Variants in RGS12 observed in about 807,000 individuals in gnomAD.
RGS12 encodes the protein regulator of G-protein signaling 12.
A neutral mutation model predicts 120.1 loss-of-function variants in RGS12; 66 were observed. The observed-to-expected ratio is 0.55, with a 90% confidence interval of 0.45 to 0.67. The LOEUF (loss-of-function observed/expected upper bound fraction) is 0.67, where lower values mean the gene tolerates loss of function less well. Among genes scored for constraint, RGS12 ranks in the 30% least tolerant of loss-of-function variants. The probability of loss-of-function intolerance (pLI) is 0.00; values close to 1 mark genes in which losing one functional copy is unlikely to be tolerated. For missense variants in RGS12, 1,859 were observed against 1,957.7 expected (o/e 0.95, Z 0.95); for synonymous variants, 827 against 804.7 (o/e 1.03, Z -0.47).
intron 2 of RGS12, among the ~76,000 whole-genome samples, chr4:3,318,506 C>T (rs1724960304): frequency 1.3e-5 from 2 of 152,208 alleles, no homozygotes; most frequent in Non-Finnish European, 1.5e-5. Context: ...GCTGGTTCCT[C>T]GTGCTGTTTC....
chr4:3,431,777 T>G, intron 17 of RGS12: 1 of 985,708 alleles, frequency 1.0e-6, no homozygotes, highest in South Asian at 4.7e-5. Flanking sequence ...TGGACACCTC[T>G]GCTGTGGTTT....
At chr4:3,362,506 G>A (rs1459169581) in intron 3 of RGS12, among the ~76,000 whole-genome samples, 4 of 145,302 alleles carry the variant, frequency 2.8e-5, no homozygotes, top group Non-Finnish European at 6.1e-5. Flanking sequence ...GTGAGGGTGC[G>A]AGGATCAGTG....
chr4:3,432,797 C>T (rs1365156107), intron 17 of RGS12, among the ~76,000 whole-genome samples: 1 of 152,220 alleles, frequency 6.6e-6, no homozygotes, highest in Non-Finnish European at 1.5e-5. Flanking sequence ...GGATCCTTGG[C>T]TCTTGGGCTG....
intron 11 of RGS12, 60 bp from the exon 12 acceptor site, chr4:3,422,845 G>T (rs925067113): frequency 1.4e-6 from 2 of 1,450,752 alleles, no homozygotes; most frequent in East Asian, 2.3e-5. Flanking sequence ...GGGCACGTGG[G>T]TCTGCGTTTG....
At chr4:3,383,672 A>G (rs1718505780) in intron 3 of RGS12, among the ~76,000 whole-genome samples, 2 of 152,098 alleles carry the variant, frequency 1.3e-5, no homozygotes, top group African/African-American at 4.8e-5. Flanking sequence ...AAGCTGTTTG[A>G]AAAGGTAAAG....
rs149278750 is a variant in RGS12 at position 3,369,789 on chromosome 4, A to G, written c.1999-16627A>G. The G allele has an allele frequency of 8.1e-3, 1,264 of 155,210 alleles. 8 individuals carry two copies. Among genetic ancestry groups the G allele is most frequent in the Middle Eastern group, 0.016 (5 of 304 alleles). The allele number at this position is 155,210 out of a possible 1,614,324, so 9.6% of individuals were successfully genotyped here. A position where few individuals can be genotyped will look rare whatever the true frequency, so the allele number is the denominator to read the frequency against. ...TATATTTGGAGGGTGGGCAGAGCAGATCACGGAATACAGATAGCACTGAGA... is the reference window on the plus strand; with the variant it reads ...TATATTTGGAGGGTGGGCAGAGCAGGTCACGGAATACAGATAGCACTGAGA... On this transcript the variant is annotated intron_variant, in intron 3 of 17. Transcript: ENST00000336727.
chr4:3,339,537 G>A (rs1291023305), intron 2 of RGS12, among the ~76,000 whole-genome samples: 1 of 152,170 alleles, frequency 6.6e-6, no homozygotes, highest in East Asian at 1.9e-4. Context: ...ACAGAGAGAG[G>A]CTCTCTGAAA....
At chr4:3,412,616 G>T (rs1203746654) in intron 4 of RGS12, among the ~76,000 whole-genome samples, 3 of 152,394 alleles carry the variant, frequency 2.0e-5, no homozygotes, top group Admixed American at 2.0e-4. Context: ...CTGGTGAAGG[G>T]GCAGGAGGGG....
intron 4 of RGS12, among the ~76,000 whole-genome samples, chr4:3,387,553 G>T (rs149661776): frequency 2.0e-4 from 30 of 152,326 alleles, no homozygotes; most frequent in Middle Eastern, 3.4e-3. Context: ...GAGGGATCCC[G>T]ACACTCGTGT....
rs150422021 is a variant in RGS12 at position 3,367,187 on chromosome 4, C to T, written c.1999-19229C>T. Among the ~76,000 whole-genome samples the T allele has an allele frequency of 5.4e-3, 827 of 152,358 alleles. 8 individuals carry two copies. Among genetic ancestry groups the T allele is most frequent in the African/African-American group, 0.019 (791 of 41,576 alleles). ...GCGGTGATATGCAGGCCTGAGTCCC[C>T]GCTGCACCACAGCTGCCTCCAGGCT... is the stretch of plus-strand genomic sequence containing the variant. On this transcript the variant is annotated intron_variant, in intron 3 of 17. Coordinates refer to ENST00000336727, the MANE Select transcript of RGS12 (RefSeq NM_001394154.1).
chr4:3,391,737 G>A lies in RGS12; in HGVS notation c.2020+5300G>A, dbSNP rs188762382. Among the ~76,000 whole-genome samples, 543 of 142,986 alleles carry A rather than the reference G, an allele frequency of 3.8e-3. 3 individuals are homozygous for A. The highest frequency in any genetic ancestry group is 0.015 in the African/African-American group (512 of 33,062). 93.8% of individuals were successfully genotyped at this position (142,986 alleles called of 152,430 possible). The stretch of plus-strand genomic sequence containing the variant: ...GCTGCCTGGCGTGTTTGGGGGCCTC[G>A]TCAGAGAGGGCTGCCTGGGGTGTTT... On this transcript the variant is annotated intron_variant, in intron 4 of 17. Coordinates refer to ENST00000336727, the MANE Select transcript of RGS12 (RefSeq NM_001394154.1).
intron 2 of RGS12, among the ~76,000 whole-genome samples, chr4:3,332,201 T>C (rs906714323): frequency 2.6e-5 from 4 of 152,172 alleles, no homozygotes; most frequent in Non-Finnish European, 5.9e-5. Context: ...AAAGTGAGAC[T>C]GTTCAGGGCA....
intron 1 of RGS12, among the ~76,000 whole-genome samples, chr4:3,298,738 A>G (rs1306493556): frequency 6.6e-6 from 1 of 152,196 alleles, no homozygotes; most frequent in Non-Finnish European, 1.5e-5. Context: ...CTTCTTGGAT[A>G]TGTAATTTTT....
At chr4:3,323,875 GA>G (rs1171491533) in intron 2 of RGS12, 1 of 4,528 alleles carries the variant, frequency 2.2e-4, no homozygotes, top group Admixed American at 3.0e-3. Flanking sequence ...GTGTGTGTGA[GA>G]GAGAGAGAGA....
chr4:3,384,258 G>T (rs1718579261), intron 3 of RGS12, among the ~76,000 whole-genome samples: 1 of 152,094 alleles, frequency 6.6e-6, no homozygotes, highest in Non-Finnish European at 1.5e-5. Flanking sequence ...GGGTTCAAGC[G>T]ATTCTCCTGC....
rs977023155 is a variant in RGS12 at position 3,374,119 on chromosome 4, C to T, written c.1999-12297C>T. Among the ~76,000 whole-genome samples, 8 of 152,230 alleles carry T rather than the reference C, an allele frequency of 5.3e-5. No individual in the cohort carries two copies. The highest frequency in any genetic ancestry group is 3.9e-4 in the East Asian group (2 of 5,188). On this transcript the variant is annotated intron_variant, in intron 3 of 17. Coordinates refer to ENST00000336727, the MANE Select transcript of RGS12 (RefSeq NM_001394154.1). This position sits in a 1 kb window ranked among gnomAD's most constrained non-coding sequence, Gnocchi z 6.3. Reference sequence around the variant, plus strand: ...ACCATGTCCCACGCGGCTCTGTGAACGCAGGCATCCCTGTCTCCGTTGGGC... The same window carrying T: ...ACCATGTCCCACGCGGCTCTGTGAATGCAGGCATCCCTGTCTCCGTTGGGC...
intron 4 of RGS12, among the ~76,000 whole-genome samples, chr4:3,391,587 A>G (rs1358020823): frequency 1.3e-5 from 2 of 152,190 alleles, no homozygotes; most frequent in Non-Finnish European, 2.9e-5. Context: ...TTCCCACTCC[A>G]AGGGAGTTTC....
At chr4:3,368,471 G>T (rs1472827957) in intron 3 of RGS12, among the ~76,000 whole-genome samples, 1 of 123,452 alleles carries the variant, frequency 8.1e-6, no homozygotes, top group Non-Finnish European at 1.7e-5. Flanking sequence ...TTGTGTGTGG[G>T]GGTGCCTGTG....
intron 5 of RGS12, 77 bp from the exon 6 acceptor site, chr4:3,414,675 G>T: frequency 9.6e-7 from 1 of 1,043,660 alleles, no homozygotes. Flanking sequence ...GTGACCCCGT[G>T]GTTTCTGTAG....
Sources: gnomAD v4.1 joint callset for allele counts (sites outside exome capture counted in the v4.1 genomes callset) on GRCh38, gnomAD v4.1.1 for gene constraint, Gnocchi (gnomAD v3.1) non-coding constraint, MANE v1.5 for transcripts, NCBI Gene and HGNC (gene_info 2026-07-23, HGNC 2026-07-21) for gene names.